Variants in ABCA1 observed in about 807,000 individuals in gnomAD.
The protein encoded by ABCA1 is phospholipid-transporting ATPase ABCA1.
A neutral mutation model predicts 262.5 loss-of-function variants in ABCA1; 133 were observed. That is an observed-to-expected ratio of 0.51 (90% CI 0.44 to 0.59). The LOEUF (loss-of-function observed/expected upper bound fraction) is 0.59, where lower values mean the gene tolerates loss of function less well. Ranked by LOEUF, ABCA1 falls within the 20% of genes least tolerant of loss-of-function variation. ABCA1 has a pLI of 0.00. For synonymous variants in ABCA1, 1,022 were observed against 1,043.5 expected (o/e 0.98, Z 0.40); for missense variants, 2,452 against 2,777.5 (o/e 0.88, Z 2.63).
chr9:104,867,144 A>C (rs956414450), intron 5 of ABCA1, among the ~76,000 whole-genome samples: 3 of 152,248 alleles, frequency 2.0e-5, no homozygotes, highest in Non-Finnish European at 2.9e-5. Context: ...TAAAGAGGAC[A>C]CAAGAGTTCT....
intron 1 of ABCA1, among the ~76,000 whole-genome samples, chr9:104,927,312 C>T (rs1826429761): frequency 1.3e-5 from 2 of 152,240 alleles, no homozygotes; most frequent in South Asian, 4.2e-4. Context: ...GACCTCCCTA[C>T]CCCTCAGGTC....
chr9:104,855,625 T>A (rs1835769635), intron 7 of ABCA1: 3 of 1,442,756 alleles, frequency 2.1e-6, no homozygotes, highest in African/African-American at 2.9e-5. Flanking sequence ...ACCAGGCTCT[T>A]CATATGTGTA....
At chr9:104,899,523 G>A (rs1174220322) in intron 2 of ABCA1, among the ~76,000 whole-genome samples, 1 of 151,898 alleles carries the variant, frequency 6.6e-6, no homozygotes, top group African/African-American at 2.4e-5. Flanking sequence ...CTAAAACCAT[G>A]TCTCTACTAA....
At chr9:104,837,713 G>A (rs1214139619) in intron 9 of ABCA1, 146 bp from the exon 10 acceptor site, 2 of 945,276 alleles carry the variant, frequency 2.1e-6, no homozygotes, top group African/African-American at 1.6e-5. Context: ...CTGAGCCTCA[G>A]TTGGCTCCTC....
In ABCA1 at chr9:104,858,650, A is replaced by C; in HGVS notation, c.592T>G (p.Ser198Ala). 2 of 1,614,216 alleles carry C rather than the reference A, an allele frequency of 1.2e-6. No homozygotes were observed. The highest frequency in any genetic ancestry group is 2.2e-5 in the South Asian group (2 of 91,078). ...AGTTGAATCATCTCTTCTGATTTTG[A>C]TCCATTGCACAGACTTGTCAAATGT... ...QLHLTSLCNG[S>A]KSEEMIQLGD... The change falls in exon 7 of 50, where the codon TCA (serine) becomes GCA (alanine). Residue 198 changes from serine to alanine, a missense_variant. Around this residue, in one of 4 missense-constraint regions of ABCA1, gnomAD observed 1,032 missense variants for 1,089.7 expected, o/e 0.95. Coordinates refer to ENST00000374736, the MANE Select transcript of ABCA1 (RefSeq NM_005502.4).
chr9:104,846,126 T>C (rs1834852425), intron 7 of ABCA1, among the ~76,000 whole-genome samples: 1 of 152,236 alleles, frequency 6.6e-6, no homozygotes, highest in Admixed American at 6.5e-5. Context: ...TATATTTAAT[T>C]GCTGTTATAT....
chr9:104,832,596 C>A lies in ABCA1; in HGVS notation c.1487G>T (p.Arg496Leu), dbSNP rs562901144. 1 of 1,614,120 alleles carries A rather than the reference C, an allele frequency of 6.2e-7. No individual in the cohort carries two copies. The highest frequency in any genetic ancestry group is 1.7e-5 in the Admixed American group (1 of 60,014). ...CACCTCCATGAAGCGAGATATGGTC[C>A]GGATTGCCTGGTTAGTCTCGTTGAA... is the stretch of plus-strand genomic sequence containing the variant. Reference protein sequence around the residue: ...EAFNETNQAIRTISRFMECVN... With the variant: ...EAFNETNQAILTISRFMECVN... The change falls in exon 12 of 50, where the codon CGG becomes CTG. Residue 496 changes from arginine (R) to leucine (L), a missense_variant. Around this residue, in one of 4 missense-constraint regions of ABCA1, gnomAD observed 1,032 missense variants for 1,089.7 expected, o/e 0.95. Coordinates refer to ENST00000374736, the MANE Select transcript of ABCA1 (RefSeq NM_005502.4).
intron 9 of ABCA1, among the ~76,000 whole-genome samples, chr9:104,838,080 C>T (rs1484909337): frequency 6.6e-6 from 1 of 152,208 alleles, no homozygotes; most frequent in Non-Finnish European, 1.5e-5. Context: ...AATCCCAGCA[C>T]TTTGGGAGGC....
chr9:104,814,096 G>A, intron 27 of ABCA1, 22 bp downstream of exon 27: 1 of 1,607,554 alleles, frequency 6.2e-7, no homozygotes, highest in Non-Finnish European at 8.5e-7. Context: ...GTAGGACACT[G>A]TTTGATCTTG....
chr9:104,869,223 G>A (rs960164839), intron 5 of ABCA1, among the ~76,000 whole-genome samples: 5 of 152,056 alleles, frequency 3.3e-5, no homozygotes, highest in Admixed American at 3.3e-4. Context: ...CTTTAGAAGT[G>A]GGTGGAGGAG....
chr9:104,792,348 G>A (rs1225329166), intron 42 of ABCA1, among the ~76,000 whole-genome samples: 1 of 151,994 alleles, frequency 6.6e-6, no homozygotes, highest in Non-Finnish European at 1.5e-5. Context: ...TAAAAATATT[G>A]CAAATACTGT....
At chr9:104,815,628 T>C (rs1564119206) in intron 25 of ABCA1, among the ~76,000 whole-genome samples, 1 of 152,110 alleles carries the variant, frequency 6.6e-6, no homozygotes, top group Non-Finnish European at 1.5e-5. Context: ...AAAACAAATC[T>C]CAGCACCTGG....
intron 7 of ABCA1, chr9:104,855,840 T>G (rs371340810): frequency 6.2e-7 from 1 of 1,610,534 alleles, no homozygotes; most frequent in Admixed American, 1.7e-5. Context: ...GCACCCAGAT[T>G]CTGAAGGAGG....
intron 46 of ABCA1, among the ~76,000 whole-genome samples, chr9:104,787,281 A>G (rs1829011639): frequency 6.6e-6 from 1 of 152,202 alleles, no homozygotes; most frequent in Non-Finnish European, 1.5e-5. Context: ...CATGACTGAT[A>G]AGTATATACA....
chr9:104,884,579 CGAG>C lies in ABCA1; in HGVS notation c.161-14_161-12del, dbSNP rs777089704. The stretch of plus-strand genomic sequence containing the variant: ...TATTTGGAAAATGGCCTGTTGAAAT[CGAG>C]GAGTAGAAAAACACAGGGAGAAACA... On this transcript the variant is annotated splice_polypyrimidine_tract_variant and intron_variant, in intron 3 of 49. Coordinates refer to ENST00000374736, the MANE Select transcript of ABCA1 (RefSeq NM_005502.4). 1.9e-6 allele frequency: 3 copies of C among 1,614,068 alleles called. No homozygotes were observed. The highest frequency in any genetic ancestry group is 4.5e-5 in the East Asian group (2 of 44,882).
At chr9:104,808,807 A>T (rs1019553607) in intron 30 of ABCA1, among the ~76,000 whole-genome samples, 3 of 152,114 alleles carry the variant, frequency 2.0e-5, no homozygotes, top group African/African-American at 7.2e-5. Context: ...GATTCTGCCT[A>T]AACCTGGAAA....
At chr9:104,890,351 C>T (rs947242205) in intron 2 of ABCA1, among the ~76,000 whole-genome samples, 5 of 151,916 alleles carry the variant, frequency 3.3e-5, no homozygotes, top group Admixed American at 1.3e-4. Context: ...AGGCCAAGGC[C>T]GGTGGATCAG....
chr9:104,859,709 G>A (rs931544250), intron 6 of ABCA1, among the ~76,000 whole-genome samples: 22 of 152,260 alleles, frequency 1.4e-4, no homozygotes, highest in African/African-American at 5.3e-4. Context: ...TCTTTAACTG[G>A]TCCTTGCTGC....
chr9:104,832,597 G>A lies in ABCA1; in HGVS notation c.1486C>T (p.Arg496Trp), dbSNP rs147675550. The change falls in exon 12 of 50, where the codon CGG becomes TGG. Residue 496 changes from arginine to tryptophan, a missense_variant. This residue lies in a region of ABCA1 where 1,032 missense variants were observed against 1,089.7 expected (regional missense o/e 0.95). Transcript: ENST00000374736. ...ACCTCCATGAAGCGAGATATGGTCC[G>A]GATTGCCTGGTTAGTCTCGTTGAAA... ...EAFNETNQAI[R>W]TISRFMECVN... 394 of 1,614,024 alleles carry A rather than the reference G, an allele frequency of 2.4e-4. No individual in the cohort carries two copies. Among genetic ancestry groups the A allele is most frequent in the Middle Eastern group, 1.5e-3 (9 of 6,084 alleles).
Sources: allele counts gnomAD v4.1 joint callset (sites outside exome capture counted in the v4.1 genomes callset), GRCh38; gene constraint gnomAD v4.1.1; regional missense constraint gnomAD v4.1.1; transcripts MANE v1.5; gene names NCBI Gene and HGNC (gene_info 2026-07-23, HGNC 2026-07-21).